The following LRRN2 variants were observed in gnomAD, a reference collection of about 807,000 sequenced individuals.
LRRN2 encodes the protein leucine rich repeat neuronal 2, also known as leucine-rich repeat neuronal protein 2.
Under a neutral mutation model 35.7 loss-of-function variants are expected in LRRN2, and 10 were observed. The observed-to-expected ratio is 0.28, with a 90% CI of 0.17 to 0.47. LRRN2 has a LOEUF of 0.47. Among genes scored for constraint, LRRN2 ranks in the 20% least tolerant of loss-of-function variants. The pLI is 0.99. For synonymous variants in LRRN2, 391 were observed against 409.6 expected (o/e 0.95, Z 0.55); for missense variants, 731 against 940.3 (o/e 0.78, Z 2.91).
intron 1 of LRRN2, among the ~76,000 whole-genome samples, chr1:204,642,502 A>C (rs1668003337): frequency 6.8e-6 from 1 of 147,278 alleles, no homozygotes; most frequent in South Asian, 2.3e-4. Flanking sequence ...ATTTGGGTTC[A>C]TCCTGTGCCC....
chr1:204,667,925 A>G (rs142718526), intron 1 of LRRN2, among the ~76,000 whole-genome samples: 3 of 152,246 alleles, frequency 2.0e-5, no homozygotes, highest in South Asian at 4.1e-4. Context: ...GAGGGTGTGC[A>G]TGTCTCAAGA....
intron 1 of LRRN2, among the ~76,000 whole-genome samples, chr1:204,625,746 C>G (rs543082668): frequency 9.8e-5 from 15 of 152,354 alleles, no homozygotes; most frequent in Admixed American, 5.9e-4. Context: ...TTAGGTTACT[C>G]TGGCATTAGG....
intron 1 of LRRN2, among the ~76,000 whole-genome samples, chr1:204,637,868 CA>C (rs1667874679): frequency 6.6e-6 from 1 of 152,128 alleles, no homozygotes; most frequent in Admixed American, 6.5e-5. Flanking sequence ...CAGCATTAGG[CA>C]ATTTAATTAA....
At position 204,620,012 on chromosome 1, in the gene LRRN2, G is replaced by A; in HGVS notation, c.-20C>T. On this transcript the variant is annotated 5_prime_UTR_variant, in exon 2 of 2. Coordinates refer to ENST00000367177, the MANE Select transcript of LRRN2 (RefSeq NM_201630.2). ...CCTCATGGTGGAGCTGCAGGGCAGG[G>A]GACCATTCACAAGAAGAGTCTGGAG... 1 of 1,594,058 alleles carries A rather than the reference G, an allele frequency of 6.3e-7. No homozygotes were observed. The highest frequency in any genetic ancestry group is 8.5e-7 in the Non-Finnish European group (1 of 1,171,432).
chr1:204,637,432 C>G (rs556568173), intron 1 of LRRN2, among the ~76,000 whole-genome samples: 1 of 152,108 alleles, frequency 6.6e-6, no homozygotes, highest in Non-Finnish European at 1.5e-5. Context: ...CCAGAGGGAG[C>G]GGCTCAGGGA....
At chr1:204,647,749 C>T (rs147589308) in intron 1 of LRRN2, among the ~76,000 whole-genome samples, 128 of 152,254 alleles carry the variant, frequency 8.4e-4, no homozygotes, top group African/African-American at 2.8e-3. Flanking sequence ...GAACAAAGAC[C>T]AGAGCTGTCC....
chr1:204,679,532 T>C (rs1167352990), intron 1 of LRRN2, among the ~76,000 whole-genome samples: 3 of 152,216 alleles, frequency 2.0e-5, no homozygotes, highest in African/African-American at 7.2e-5. Context: ...TGCCCCCTTC[T>C]TCCATATGTT....
At chr1:204,668,756 G>C (rs1271266421) in intron 1 of LRRN2, among the ~76,000 whole-genome samples, 4 of 152,160 alleles carry the variant, frequency 2.6e-5, no homozygotes, top group Non-Finnish European at 4.4e-5. Flanking sequence ...TCATGGGTGT[G>C]GCTCTAAGGA....
intron 1 of LRRN2, among the ~76,000 whole-genome samples, chr1:204,641,064 G>T (rs975344276): frequency 6.7e-6 from 1 of 149,770 alleles, no homozygotes; most frequent in African/African-American, 2.4e-5. Context: ...ATGAAGAGAG[G>T]GTTCTCATGC....
At chr1:204,666,938 G>A (rs914652302) in intron 1 of LRRN2, among the ~76,000 whole-genome samples, 3 of 127,250 alleles carry the variant, frequency 2.4e-5, no homozygotes, top group Admixed American at 1.7e-4. Context: ...CTCCAGCCTG[G>A]ATGCCAGAGT....
chr1:204,661,257 T>C (rs894346528), intron 1 of LRRN2, among the ~76,000 whole-genome samples: 14 of 152,136 alleles, frequency 9.2e-5, no homozygotes, highest in African/African-American at 3.1e-4. Context: ...CTAAACTAGG[T>C]CTACGCTGCT....
rs1242698472 is a variant in LRRN2 at position 204,685,637 on chromosome 1, C to G, written c.-544G>C. The G allele has an allele frequency of 6.6e-6, 1 of 151,936 alleles. No individual in the cohort carries two copies. The highest frequency in any genetic ancestry group is 6.6e-5 in the Admixed American group (1 of 15,266). The allele number at this position is 151,936 out of a possible 1,614,324, so 9.4% of individuals were successfully genotyped here. A position where few individuals can be genotyped will look rare whatever the true frequency, so the allele number is the denominator to read the frequency against. ...AGAGCGCCGCGCGTTCGCAGGTGCC[C>G]GGAGCAGGCCCTCGCGGCGCCCGGC... is the stretch of plus-strand genomic sequence containing the variant. On this transcript the variant is annotated 5_prime_UTR_variant, in exon 1 of 2. Transcript: ENST00000367177.
At chr1:204,684,856 G>A (rs1558426848) in intron 1 of LRRN2, among the ~76,000 whole-genome samples, 1 of 152,174 alleles carries the variant, frequency 6.6e-6, no homozygotes, top group African/African-American at 2.4e-5. Flanking sequence ...CCAAGGAGGA[G>A]AAAGTCCCCA....
intron 1 of LRRN2, among the ~76,000 whole-genome samples, chr1:204,648,629 C>G (rs56226454): frequency 1.7e-3 from 262 of 152,330 alleles, no homozygotes; most frequent in Non-Finnish European, 3.1e-3. Context: ...CTCGCCCCCC[C>G]ACCCAACCTA....
intron 1 of LRRN2, among the ~76,000 whole-genome samples, chr1:204,652,268 C>CCCGCCCCCCCG (rs1668250334): frequency 1.6e-5 from 1 of 61,370 alleles, no homozygotes; most frequent in African/African-American, 5.1e-5. Context: ...CCGCCCCCCC[C>CCCGCCCCCCCG]CCGCCCCCCC....
At position 204,673,089 on chromosome 1, in the gene LRRN2, T is replaced by G. The variant is rs1261796872; in HGVS notation, c.-227+12231A>C. 2.6e-5 allele frequency among the ~76,000 whole-genome samples: 4 copies of G among 152,314 alleles called. No individual in the cohort carries two copies. The East Asian group carries it at 7.7e-4, about 29-fold the overall frequency. ...CCCTCCCTCTCCCTCTGTCAGATGATATATGCTTAGAGAATGCACCAGCAA... is the reference window on the plus strand; with the variant it reads ...CCCTCCCTCTCCCTCTGTCAGATGAGATATGCTTAGAGAATGCACCAGCAA... On this transcript the variant is annotated intron_variant, in intron 1 of 1. Coordinates refer to ENST00000367177, the MANE Select transcript of LRRN2 (RefSeq NM_201630.2).
At chr1:204,666,094 G>C (rs1434978895) in intron 1 of LRRN2, among the ~76,000 whole-genome samples, 1 of 152,196 alleles carries the variant, frequency 6.6e-6, no homozygotes, top group Non-Finnish European at 1.5e-5. Context: ...ACTATGAAAA[G>C]ATGGCATATA....
At chr1:204,632,859 G>T (rs942922282) in intron 1 of LRRN2, among the ~76,000 whole-genome samples, 1 of 151,202 alleles carries the variant, frequency 6.6e-6, no homozygotes, top group East Asian at 1.9e-4. Context: ...GTGTGAACCC[G>T]GGAGGTGGAG....
At chr1:204,665,638 T>C (rs1207111475) in intron 1 of LRRN2, among the ~76,000 whole-genome samples, 5 of 152,234 alleles carry the variant, frequency 3.3e-5, no homozygotes, top group African/African-American at 1.2e-4. Flanking sequence ...ATCTCCAATG[T>C]GTCCCTGGAG....
Sources: gnomAD v4.1 joint callset for allele counts (sites outside exome capture counted in the v4.1 genomes callset) on GRCh38, gnomAD v4.1.1 for gene constraint, MANE v1.5 for transcripts, NCBI Gene and HGNC (gene_info 2026-07-23, HGNC 2026-07-21) for gene names.